The following ZNF438 variants were observed in gnomAD, a reference collection of about 807,000 sequenced individuals.
ZNF438 encodes zinc finger protein 438.
In ZNF438, 25 loss-of-function variants were observed where a neutral mutation model predicts 38.0. The observed-to-expected ratio is 0.66, with a 90% CI of 0.48 to 0.92. ZNF438 has a LOEUF of 0.92. ZNF438 is among the 40% of genes least tolerant of loss of function. The probability of loss-of-function intolerance (pLI) is 0.00; values close to 1 mark genes in which losing one functional copy is unlikely to be tolerated. For synonymous variants in ZNF438, 372 were observed against 364.1 expected (o/e 1.02, Z -0.25); for missense variants, 1,007 against 999.6 (o/e 1.01, Z -0.10).
At chr10:30,922,689 G>C (rs763693678) in intron 2 of ZNF438, among the ~76,000 whole-genome samples, 3 of 152,062 alleles carry the variant, frequency 2.0e-5, no homozygotes. Flanking sequence ...CAAAAAATTA[G>C]CTGGGAATGG....
intron 1 of ZNF438, among the ~76,000 whole-genome samples, chr10:30,965,184 A>T (rs2049970713): frequency 6.6e-6 from 1 of 152,234 alleles, no homozygotes; most frequent in African/African-American, 2.4e-5. Flanking sequence ...CATATGAAAA[A>T]ATGTTTAACA....
chr10:30,919,133 ACTGTGG>A (rs2134853045), intron 2 of ZNF438: 1 of 152,270 alleles, frequency 6.6e-6, no homozygotes, highest in Non-Finnish European at 1.5e-5. Context: ...TGTCCACTTT[ACTGTGG>A]CTCCTTTTCT....
Position 31,007,318 on chromosome 10 carries a change from G to A in ZNF438, c.-192+24515C>T, listed in dbSNP as rs1208660867. Among the ~76,000 whole-genome samples, 19 of 122,820 alleles carry A rather than the reference G, an allele frequency of 1.5e-4. No individual in the cohort carries two copies. In the Admixed American group the frequency reaches 1.6e-3, roughly 11 times the overall value. 80.6% of individuals were successfully genotyped at this position (122,820 alleles called of 152,430 possible). A position where few individuals can be genotyped will look rare whatever the true frequency, so the allele number is the denominator to read the frequency against. On this transcript the variant is annotated intron_variant, in intron 1 of 5. Transcript: ENST00000413025. ...TTTTTTGGAGACAGAGTCTCACACT[G>A]TTGCCCTGGCTGAAGTGCAGTGGCG...
intron 1 of ZNF438, among the ~76,000 whole-genome samples, chr10:31,006,950 G>C (rs76584743): frequency 0.035 from 5,360 of 152,234 alleles, 137 homozygotes; most frequent in Non-Finnish European, 0.058. Context: ...AAAATAAGGA[G>C]AGTATCTGCA....
chr10:30,946,531 G>A lies in ZNF438; in HGVS notation c.-191-4880C>T, dbSNP rs185729760. 4.1e-3 allele frequency among the ~76,000 whole-genome samples: 622 copies of A among 152,106 alleles called. 7 individuals are homozygous for A. The highest frequency in any genetic ancestry group is 0.014 in the African/African-American group (582 of 41,508). ...CAAACAACCCCATCAAAAAGTGGGC[G>A]AAGGACATGAACAGACACTTCTCAA... On this transcript the variant is annotated intron_variant, in intron 1 of 5. Coordinates refer to ENST00000413025, the Ensembl canonical transcript of ZNF438.
At chr10:30,944,786 G>A (rs776435851) in intron 1 of ZNF438, among the ~76,000 whole-genome samples, 1 of 152,148 alleles carries the variant, frequency 6.6e-6, no homozygotes, top group Non-Finnish European at 1.5e-5. Flanking sequence ...ATGTCAAAGA[G>A]GAGAAACGGT....
chr10:30,876,766 T>A (rs2038489457), intron 4 of ZNF438, among the ~76,000 whole-genome samples: 1 of 152,200 alleles, frequency 6.6e-6, no homozygotes, highest in South Asian at 2.1e-4. Flanking sequence ...TGGAATGAGA[T>A]GGCTGGGCTC....
intron 1 of ZNF438, among the ~76,000 whole-genome samples, chr10:31,014,469 AG>A (rs1196346697): frequency 6.6e-6 from 1 of 152,164 alleles, no homozygotes; most frequent in African/African-American, 2.4e-5. Context: ...TCACATCATG[AG>A]GGCCCCACCT....
intron 3 of ZNF438, among the ~76,000 whole-genome samples, chr10:30,890,100 A>AG (rs1180816438): frequency 1.1e-4 from 17 of 149,954 alleles, no homozygotes; most frequent in African/African-American, 4.0e-4. Flanking sequence ...AAAAAAAAAA[A>AG]AAAGAAAAAA....
At chr10:30,893,664 T>C (rs541370796) in intron 3 of ZNF438, among the ~76,000 whole-genome samples, 1 of 152,326 alleles carries the variant, frequency 6.6e-6, no homozygotes, top group African/African-American at 2.4e-5. Flanking sequence ...TTGACTGAGG[T>C]GCTACCAGCT....
intron 1 of ZNF438, among the ~76,000 whole-genome samples, chr10:30,985,385 G>A (rs535256878): frequency 1.5e-3 from 222 of 152,252 alleles, no homozygotes; most frequent in Non-Finnish European, 2.0e-3. Flanking sequence ...TTAAAAAAAT[G>A]CACTTAGTTC....
chr10:30,948,438 G>A lies in ZNF438; in HGVS notation c.-191-6787C>T, dbSNP rs376182647. On this transcript the variant is annotated intron_variant, in intron 1 of 5. Coordinates refer to ENST00000413025, the Ensembl canonical transcript of ZNF438. ...GAGCTGAGAGAAGAAGGCTTCAGAC[G>A]ATCAAATTACTCTGAGCTACGGGAG... Among the ~76,000 whole-genome samples, 5 of 152,226 alleles carry A rather than the reference G, an allele frequency of 3.3e-5. No individual in the cohort carries two copies. In the East Asian group the frequency reaches 5.8e-4, roughly 18 times the overall value.
intron 3 of ZNF438, among the ~76,000 whole-genome samples, chr10:30,890,083 C>CAAAAAAAAAAAAAA (rs71863439): frequency 1.7e-4 from 16 of 93,372 alleles, no homozygotes; most frequent in South Asian, 3.8e-4. Flanking sequence ...TTGGCATTTC[C>CAAAAAAAAAAAAAA]AAAAAAAAAA....
chr10:31,014,323 TC>T (rs2055996947), intron 1 of ZNF438, among the ~76,000 whole-genome samples: 2 of 152,206 alleles, frequency 1.3e-5, no homozygotes. Context: ...AAGTCCAAGA[TC>T]AGGGTGCCAG....
rs576736153 is a variant in ZNF438, at chr10:30,923,922, A to T, written c.-114-14907T>A. ...TAGGGATTTGATTCTATGTGTAATA[A>T]GAGAGAATTAACATCTTTGCAACAT... On this transcript the variant is annotated intron_variant, in intron 2 of 5. Coordinates refer to ENST00000413025, the Ensembl canonical transcript of ZNF438. 1.2e-4 allele frequency among the ~76,000 whole-genome samples: 18 copies of T among 152,326 alleles called. No individual in the cohort carries two copies. The East Asian group carries it at 3.3e-3, about 28-fold the overall frequency.
At chr10:30,922,672 A>G (rs113798395) in intron 2 of ZNF438, among the ~76,000 whole-genome samples, 7,362 of 152,158 alleles carry the variant, frequency 0.048, 208 homozygotes, top group Non-Finnish European at 0.07. Context: ...CTTCTCTAGT[A>G]AAAATACAAA....
intron 2 of ZNF438, among the ~76,000 whole-genome samples, chr10:30,939,194 C>A (rs892331033): frequency 6.6e-6 from 1 of 152,208 alleles, no homozygotes; most frequent in South Asian, 2.1e-4. Context: ...ATACTTATGA[C>A]TGAATAAATT....
chr10:31,007,676 G>A (rs1323305036), intron 1 of ZNF438, among the ~76,000 whole-genome samples: 2 of 152,186 alleles, frequency 1.3e-5, no homozygotes, highest in Admixed American at 6.5e-5. Context: ...TAAGCTTTGT[G>A]TAGATTAACC....
chr10:30,876,394 AT>A (rs2038421786), intron 4 of ZNF438, among the ~76,000 whole-genome samples: 2 of 152,164 alleles, frequency 1.3e-5, no homozygotes, highest in Admixed American at 1.3e-4. Context: ...GGGTAATTTA[AT>A]TACTCTTGAT....
Sources: allele counts gnomAD v4.1 joint callset (sites outside exome capture counted in the v4.1 genomes callset), GRCh38; gene constraint gnomAD v4.1.1; transcripts MANE v1.5; gene names NCBI Gene and HGNC (gene_info 2026-07-23, HGNC 2026-07-21).